Variants in DTWD1 observed in about 807,000 individuals in gnomAD.
DTWD1 encodes DTW motif tRNA-uridine aminocarboxypropyltransferase 1, also known as tRNA-uridine aminocarboxypropyltransferase 1.
In DTWD1, 27 loss-of-function variants were observed where a neutral mutation model predicts 30.2. That is an observed-to-expected ratio of 0.90 (90% CI 0.66 to 1.23). The LOEUF (loss-of-function observed/expected upper bound fraction) is 1.23. Among genes scored for constraint, DTWD1 ranks in the 50% most tolerant of loss-of-function variants. The pLI is 0.00. For missense variants in DTWD1, 342 were observed against 348.8 expected (o/e 0.98, Z 0.15); for synonymous variants, 99 against 113.1 (o/e 0.88, Z 0.79).
chr15:49,633,037 T>TTATATATATATATATATATA (rs1555588540), intron 3 of DTWD1, among the ~76,000 whole-genome samples: 16 of 76,744 alleles, frequency 2.1e-4, no homozygotes, highest in Non-Finnish European at 5.2e-4. Flanking sequence ...ACTTTCCTAT[T>TTATATATATATATATATATA]TATATCTATA....
chr15:49,632,414 A>T (rs1225373686), intron 3 of DTWD1, 112 bp downstream of exon 3: 2 of 1,044,838 alleles, frequency 1.9e-6, no homozygotes, highest in Non-Finnish European at 2.7e-6. Context: ...TTAGTAAAGT[A>T]TTATGCTCAG....
rs532165637 is a variant in DTWD1 at position 49,656,199 on chromosome 15, T to C, written c.*12621T>C. 1 of 152,190 alleles carries C rather than the reference T, an allele frequency of 6.6e-6. No homozygotes were observed. The highest frequency in any genetic ancestry group is 2.1e-4 in the South Asian group (1 of 4,820). The allele number at this position is 152,190 out of a possible 1,614,324, so 9.4% of individuals were successfully genotyped here. ...GTGTTGATTGCACCTGGTTCTTTGC[T>C]GTAAATTAAATAAAAATTCAAATAT... is the stretch of plus-strand genomic sequence containing the variant. On this transcript the variant is annotated 3_prime_UTR_variant, in exon 5 of 5. Coordinates refer to ENST00000403028, the MANE Select transcript of DTWD1 (RefSeq NM_001144955.2).
intron 2 of DTWD1, among the ~76,000 whole-genome samples, chr15:49,628,770 C>T (rs1241628833): frequency 1.3e-5 from 2 of 151,392 alleles, no homozygotes; most frequent in South Asian, 4.2e-4. Context: ...TTTTTTTAAA[C>T]ACAGTTAAGC....
intron 1 of DTWD1, among the ~76,000 whole-genome samples, chr15:49,622,032 A>T (rs112156921): frequency 0.011 from 1,662 of 152,266 alleles, 34 homozygotes; most frequent in African/African-American, 0.039. Flanking sequence ...GGAGAAAAAA[A>T]AATTGCCAGC....
intron 4 of DTWD1, among the ~76,000 whole-genome samples, chr15:49,637,633 A>G (rs2079018698): frequency 6.6e-6 from 1 of 152,192 alleles, no homozygotes; most frequent in Admixed American, 6.6e-5. Flanking sequence ...GTGATTTAAA[A>G]CAGTTACTTT....
chr15:49,630,279 G>T (rs996978564), intron 2 of DTWD1, among the ~76,000 whole-genome samples: 1 of 152,154 alleles, frequency 6.6e-6, no homozygotes, highest in African/African-American at 2.4e-5. Flanking sequence ...TTTAACATAT[G>T]TTAAAACTTA....
At chr15:49,627,446 C>G (rs2078858510) in intron 2 of DTWD1, among the ~76,000 whole-genome samples, 2 of 152,222 alleles carry the variant, frequency 1.3e-5, no homozygotes, top group South Asian at 4.1e-4. Flanking sequence ...CTAGGGAATG[C>G]ATTCATAAAT....
At position 49,648,681 on chromosome 15, in the gene DTWD1, A is replaced by G. The variant is rs896395411; in HGVS notation, c.*5103A>G. On this transcript the variant is annotated 3_prime_UTR_variant, in exon 5 of 5. Coordinates refer to ENST00000403028, the MANE Select transcript of DTWD1 (RefSeq NM_001144955.2). ...AGTCTTATTTTATATGTTATAGTGA[A>G]TCATATTTATCTCATTATATATTAC... The G allele has an allele frequency of 6.6e-6, 1 of 152,196 alleles. No individual in the cohort carries two copies. Among genetic ancestry groups the G allele is most frequent in the African/African-American group, 2.4e-5 (1 of 41,436 alleles). The allele number at this position is 152,196 out of a possible 1,614,324, so 9.4% of individuals were successfully genotyped here.
At chr15:49,639,445 T>A (rs1346455545) in intron 4 of DTWD1, among the ~76,000 whole-genome samples, 1 of 152,104 alleles carries the variant, frequency 6.6e-6, no homozygotes, top group Non-Finnish European at 1.5e-5. Flanking sequence ...ACCTGTAGTC[T>A]TAGGTACTTG....
chr15:49,624,970 G>A (rs185364876), intron 1 of DTWD1, 143 bp from the exon 2 acceptor site: 1 of 537,536 alleles, frequency 1.9e-6, no homozygotes, highest in African/African-American at 1.9e-5. Context: ...GTTTTAAAGT[G>A]TGCCAATTTG....
chr15:49,655,024 G>A lies in DTWD1; in HGVS notation c.*11446G>A, dbSNP rs1424495061. On this transcript the variant is annotated 3_prime_UTR_variant, in exon 5 of 5. Coordinates refer to ENST00000403028, the MANE Select transcript of DTWD1 (RefSeq NM_001144955.2). ...AAGGGCACCAATCTCATCATGGAGG[G>A]TCTTCAACCTCATGGCTTCTTGGAA... The A allele has an allele frequency of 6.6e-6, 1 of 152,004 alleles. No homozygotes were observed. The highest frequency in any genetic ancestry group is 1.5e-5 in the Non-Finnish European group (1 of 67,976). The allele number at this position is 152,004 out of a possible 1,614,324, so 9.4% of individuals were successfully genotyped here.
chr15:49,643,262 C>T (rs2079085984), intron 4 of DTWD1, 69 bp from the exon 5 acceptor site: 1 of 1,416,544 alleles, frequency 7.1e-7, no homozygotes, highest in Non-Finnish European at 9.3e-7. Flanking sequence ...TTGTACCAAG[C>T]CTGTGGTTAA....
chr15:49,624,385 A>G (rs957113554), intron 1 of DTWD1, among the ~76,000 whole-genome samples: 2 of 152,234 alleles, frequency 1.3e-5, no homozygotes, highest in African/African-American at 4.8e-5. Context: ...ACAGATAGCA[A>G]TTTTGGCAGC....
At chr15:49,626,773 G>T in intron 2 of DTWD1, 1 of 444,828 alleles carries the variant, frequency 2.2e-6, no homozygotes, top group Non-Finnish European at 4.6e-6. Flanking sequence ...GCCAGTCCAT[G>T]GTCTCCTCAG....
At chr15:49,638,582 A>G (rs1331689343) in intron 4 of DTWD1, among the ~76,000 whole-genome samples, 1 of 152,174 alleles carries the variant, frequency 6.6e-6, no homozygotes, top group Non-Finnish European at 1.5e-5. Context: ...GAAACAATCC[A>G]TGGTTTTTAT....
At chr15:49,624,237 G>C (rs1012595051) in intron 1 of DTWD1, among the ~76,000 whole-genome samples, 1 of 152,112 alleles carries the variant, frequency 6.6e-6, no homozygotes, top group South Asian at 2.1e-4. Flanking sequence ...TACTTAAAGT[G>C]CCTGGAGCTT....
chr15:49,632,009 C>A, intron 2 of DTWD1, 150 bp from the exon 3 acceptor site: 1 of 809,454 alleles, frequency 1.2e-6, no homozygotes, highest in Non-Finnish European at 2.0e-6. Context: ...TAACAATCAC[C>A]ATTCTTAATA....
At chr15:49,635,018 C>T (rs2078983032) in intron 4 of DTWD1, among the ~76,000 whole-genome samples, 1 of 151,636 alleles carries the variant, frequency 6.6e-6, no homozygotes, top group Non-Finnish European at 1.5e-5. Context: ...AACACTTCAC[C>T]CTTAAATATT....
Position 49,643,398 on chromosome 15 carries a change from T to C in DTWD1, c.735T>C (p.Asp245=). The C allele has an allele frequency of 3.1e-6, 5 of 1,596,032 alleles. No homozygotes were observed. The highest frequency in any genetic ancestry group is 4.3e-6 in the Non-Finnish European group (5 of 1,173,800). ...CFWRHQKGKP[D]TFLSTIEAIY... is the part of the protein sequence containing the mutation. ...GGCGCCATCAAAAAGGAAAGCCAGA[T>C]ACTTTCCTTTCTACAATTGAAGCCA... Residue 245 remains aspartate (D), a synonymous_variant, in exon 5 of 5, where the codon GAT becomes GAC. Transcript: ENST00000403028.
Sources: allele counts gnomAD v4.1 joint callset (sites outside exome capture counted in the v4.1 genomes callset), GRCh38; gene constraint gnomAD v4.1.1; transcripts MANE v1.5; gene names NCBI Gene and HGNC (gene_info 2026-07-23, HGNC 2026-07-21).